The following SHLD1 variants were observed in gnomAD, a reference collection of about 807,000 sequenced individuals.
SHLD1 encodes the protein shieldin complex subunit 1.
SHLD1 carries 3 observed loss-of-function variants against 5.5 expected under a neutral mutation model. That is an observed-to-expected ratio of 0.54 (90% CI 0.25 to 1.40). SHLD1 has a LOEUF of 1.40. Among genes scored for constraint, SHLD1 ranks in the 40% most tolerant of loss-of-function variants. SHLD1 has a pLI of 0.15. For synonymous variants in SHLD1, 92 were observed against 94.3 expected (o/e 0.98, Z 0.14); for missense variants, 210 against 244.4 (o/e 0.86, Z 0.94).
intron 1 of SHLD1, among the ~76,000 whole-genome samples, chr20:5,755,057 A>G (rs78024649): frequency 1.8e-5 from 1 of 57,024 alleles, no homozygotes; most frequent in Non-Finnish European, 3.7e-5. Flanking sequence ...CCCTGTCTCA[A>G]AAAAAAAAAA....
chr20:5,777,905 C>A (rs1202882179), intron 2 of SHLD1, among the ~76,000 whole-genome samples: 1 of 152,050 alleles, frequency 6.6e-6, no homozygotes, highest in East Asian at 1.9e-4. Flanking sequence ...GGAATATTAA[C>A]TTTTTGATAC....
At chr20:5,772,468 A>G (rs545587530) in intron 1 of SHLD1, among the ~76,000 whole-genome samples, 13 of 152,346 alleles carry the variant, frequency 8.5e-5, no homozygotes, top group African/African-American at 3.1e-4. Context: ...ATGGTGCACA[A>G]TTTGAAATTT....
chr20:5,845,991 C>T (rs1209133493), intron 2 of SHLD1, among the ~76,000 whole-genome samples: 1 of 152,094 alleles, frequency 6.6e-6, no homozygotes, highest in East Asian at 1.9e-4. Context: ...TACTTAATGT[C>T]GACTTGATAT....
chr20:5,794,343 C>A (rs1376447829), intron 2 of SHLD1, among the ~76,000 whole-genome samples: 1 of 152,154 alleles, frequency 6.6e-6, no homozygotes. Context: ...GGGTTGGTTT[C>A]TGGATTCACT....
At chr20:5,861,514 G>A (rs1600189013) in intron 2 of SHLD1, among the ~76,000 whole-genome samples, 1 of 152,212 alleles carries the variant, frequency 6.6e-6, no homozygotes, top group East Asian at 1.9e-4. Flanking sequence ...TTGTCCATGT[G>A]TAGGCCTGCG....
At chr20:5,783,929 A>C (rs1600117821) in intron 2 of SHLD1, among the ~76,000 whole-genome samples, 1 of 152,154 alleles carries the variant, frequency 6.6e-6, no homozygotes. Context: ...AGGCTGGTGG[A>C]TCACTTGAAG....
In SHLD1 at chr20:5,806,901, A is replaced by G. The variant is rs16991313; in HGVS notation, c.178+33858A>G. Reference sequence around the variant, plus strand: ...ATGTATTATGTATTTCCACTGAAGGACTTGATTTTAGCACCGAAGAGTGAG... The same window carrying G: ...ATGTATTATGTATTTCCACTGAAGGGCTTGATTTTAGCACCGAAGAGTGAG... On this transcript the variant is annotated intron_variant, in intron 2 of 2. Transcript: ENST00000303142. This position sits in a 1 kb window ranked among gnomAD's most constrained non-coding sequence, Gnocchi z 7.6. Among the ~76,000 whole-genome samples the G allele has an allele frequency of 0.012, 1,869 of 152,322 alleles. 41 individuals carry two copies. The highest frequency in any genetic ancestry group is 0.043 in the African/African-American group (1,787 of 41,572).
rs2088078362 is a variant in SHLD1, at chr20:5,855,990, T to A, written c.179-7034T>A. On this transcript the variant is annotated intron_variant, in intron 2 of 2. Coordinates refer to ENST00000303142, the MANE Select transcript of SHLD1 (RefSeq NM_152504.4). This position sits in a 1 kb window ranked among gnomAD's most constrained non-coding sequence, Gnocchi z 4.4. ...TAGTCACTAGGCAATGTTGAGATAG[T>A]AGCTGCTCTGTTGGTCTGGGTTCTG... Among the ~76,000 whole-genome samples the A allele has an allele frequency of 6.6e-6, 1 of 152,224 alleles. No homozygotes were observed. The highest frequency in any genetic ancestry group is 1.5e-5 in the Non-Finnish European group (1 of 68,030).
intron 2 of SHLD1, among the ~76,000 whole-genome samples, chr20:5,801,739 A>G (rs928930395): frequency 6.6e-6 from 1 of 152,162 alleles, no homozygotes; most frequent in African/African-American, 2.4e-5. Flanking sequence ...CAAAAGACAG[A>G]GTAATTTATT....
At chr20:5,850,499 T>G (rs1014859771) in intron 2 of SHLD1, among the ~76,000 whole-genome samples, 2 of 150,270 alleles carry the variant, frequency 1.3e-5, no homozygotes, top group African/African-American at 2.5e-5. Context: ...GTTCCAGCTT[T>G]TTTTAGTTTT....
chr20:5,769,542 G>A (rs1215349441), intron 1 of SHLD1, among the ~76,000 whole-genome samples: 2 of 152,152 alleles, frequency 1.3e-5, no homozygotes, highest in East Asian at 3.8e-4. Context: ...ACATACCTAT[G>A]ATAAAGGTTA....
chr20:5,779,973 T>TTTTTTTG, intron 2 of SHLD1, among the ~76,000 whole-genome samples: 1 of 59,710 alleles, frequency 1.7e-5, no homozygotes, highest in African/African-American at 7.7e-5. Context: ...ACAATTTCTG[T>TTTTTTTG]TTTTTTTTTT....
At chr20:5,763,964 A>G (rs555956666) in intron 1 of SHLD1, among the ~76,000 whole-genome samples, 75 of 145,882 alleles carry the variant, frequency 5.1e-4, no homozygotes, top group African/African-American at 1.8e-3. Flanking sequence ...AAAAAAAAAA[A>G]AAAAATAGAA....
intron 2 of SHLD1, among the ~76,000 whole-genome samples, chr20:5,856,138 G>T (rs1017661017): frequency 2.6e-5 from 4 of 152,216 alleles, no homozygotes; most frequent in African/African-American, 9.6e-5. Flanking sequence ...GGGCTTGCTT[G>T]TTAGGCAGCA....
At position 5,855,496 on chromosome 20, in the gene SHLD1, C is replaced by T. The variant is rs534385603; in HGVS notation, c.179-7528C>T. ...AAGAGATTCTTGTGCCTCAGCCACCCGAGTAGCTGGGACTACAGGTGCATG... is the reference window on the plus strand; with the variant it reads ...AAGAGATTCTTGTGCCTCAGCCACCTGAGTAGCTGGGACTACAGGTGCATG... On this transcript the variant is annotated intron_variant, in intron 2 of 2. Transcript: ENST00000303142. This position sits in a 1 kb window ranked among gnomAD's most constrained non-coding sequence, Gnocchi z 4.4. Among the ~76,000 whole-genome samples the T allele has an allele frequency of 1.5e-4, 23 of 152,168 alleles. No individual in the cohort carries two copies. Among genetic ancestry groups the T allele is most frequent in the African/African-American group, 4.1e-4 (17 of 41,514 alleles).
intron 2 of SHLD1, among the ~76,000 whole-genome samples, chr20:5,824,371 A>G (rs181228969): frequency 6.6e-6 from 1 of 151,994 alleles, no homozygotes; most frequent in Admixed American, 6.6e-5. Context: ...CCCTTCCTCT[A>G]TTTTATCTTT....
At chr20:5,817,762 T>G (rs1339745127) in intron 2 of SHLD1, among the ~76,000 whole-genome samples, 1 of 152,160 alleles carries the variant, frequency 6.6e-6, no homozygotes, top group Admixed American at 6.5e-5. Context: ...CTATGCTGAT[T>G]TCTGGAGCTC....
chr20:5,753,228 A>T (rs1201233358), intron 1 of SHLD1, among the ~76,000 whole-genome samples: 1 of 152,226 alleles, frequency 6.6e-6, no homozygotes, highest in Non-Finnish European at 1.5e-5. Context: ...ACAAGATTTT[A>T]TGGTCTGTAG....
chr20:5,863,573 C>A lies in SHLD1; in HGVS notation c.*110C>A. 1.8e-6 allele frequency: 2 copies of A among 1,109,330 alleles called. No individual in the cohort carries two copies. Among genetic ancestry groups the A allele is most frequent in the Non-Finnish European group, 2.6e-6 (2 of 775,588 alleles). The allele number at this position is 1,109,330 out of a possible 1,614,324, so 68.7% of individuals were successfully genotyped here. ...CTCTGGCCAGCTCTGTGTGCCCAAT[C>A]CCAATTAAGTGCTTTGAGGTTAAAG... On this transcript the variant is annotated 3_prime_UTR_variant, in exon 3 of 3. Coordinates refer to ENST00000303142, the MANE Select transcript of SHLD1 (RefSeq NM_152504.4).
Sources: allele counts gnomAD v4.1 joint callset (sites outside exome capture counted in the v4.1 genomes callset), GRCh38; gene constraint gnomAD v4.1.1; non-coding constraint Gnocchi (gnomAD v3.1); transcripts MANE v1.5; gene names NCBI Gene and HGNC (gene_info 2026-07-23, HGNC 2026-07-21).